Variants in NYNRIN observed in about 807,000 individuals in gnomAD.
The protein encoded by NYNRIN is protein NYNRIN.
A neutral mutation model predicts 146.6 loss-of-function variants in NYNRIN; 86 were observed. That is an observed-to-expected ratio of 0.59 (90% CI 0.49 to 0.70). NYNRIN has a LOEUF of 0.70. Among genes scored for constraint, NYNRIN ranks in the 30% least tolerant of loss-of-function variants. The pLI, the probability that NYNRIN is intolerant of heterozygous loss-of-function variation, is 0.00. For synonymous variants in NYNRIN, 1,027 were observed against 1,001.3 expected, an observed-to-expected ratio of 1.03 and a Z score of -0.48; for missense variants, 2,191 against 2,377.7, an observed-to-expected ratio of 0.92 and a Z score of 1.63.
chr14:24,410,367 G>A (rs553886705), intron 4 of NYNRIN, among the ~76,000 whole-genome samples, 159 bp downstream of exon 4: 4 of 152,336 alleles, frequency 2.6e-5, no homozygotes, highest in Non-Finnish European at 5.9e-5. Flanking sequence ...TGGCTCCTGC[G>A]TGCCAGGCAG....
chr14:24,415,856 A>G lies in NYNRIN; in HGVS notation c.4107A>G (p.Pro1369=). ...GCCTGGAGCGCTTTGGCCAGTCCCC[A>G]CTCCCAGTGGTTTTCCTCACTCACT... is the stretch of plus-strand genomic sequence containing the variant. ...ACGLERFGQS[P]LPVVFLTHCN... Residue 1369 remains proline (P), a synonymous_variant, in exon 9 of 9, where the codon CCA becomes CCG. Transcript: ENST00000382554. 3 of 1,612,852 alleles carry G rather than the reference A, an allele frequency of 1.9e-6. No homozygotes were observed. The highest frequency in any genetic ancestry group is 1.7e-6 in the Non-Finnish European group (2 of 1,179,632).
chr14:24,411,451 G>A lies in NYNRIN; in HGVS notation c.2642+1G>A. On this transcript the variant is annotated splice_donor_variant, in intron 6 of 8. Coordinates refer to ENST00000382554, the MANE Select transcript of NYNRIN (RefSeq NM_025081.3). LOFTEE classifies it high-confidence loss of function. This position sits in a 1 kb window ranked among gnomAD's most constrained non-coding sequence, Gnocchi z 4.3. ...AGAAGATCACCACCTACGATTATAG[G>A]TGTGCCGGTCCCCAGGCCTGCCCTC... is the stretch of plus-strand genomic sequence containing the variant. 6.2e-7 allele frequency: 1 copy of A among 1,613,458 alleles called. No individual in the cohort carries two copies. Among genetic ancestry groups the A allele is most frequent in the Non-Finnish European group, 8.5e-7 (1 of 1,179,408 alleles).
chr14:24,400,921 C>T (rs2042838472), intron 2 of NYNRIN, among the ~76,000 whole-genome samples: 1 of 151,948 alleles, frequency 6.6e-6, no homozygotes, highest in Admixed American at 6.6e-5. Context: ...TTCTGAGTAG[C>T]TGGGATTACA....
chr14:24,413,652 A>G (rs145587735), intron 8 of NYNRIN, among the ~76,000 whole-genome samples: 1 of 152,308 alleles, frequency 6.6e-6, no homozygotes, highest in East Asian at 1.9e-4. Context: ...CATCCTTCCA[A>G]ACTGGCATTT....
chr14:24,405,032 G>A (rs2042868608), intron 2 of NYNRIN, among the ~76,000 whole-genome samples: 3 of 107,536 alleles, frequency 2.8e-5, no homozygotes, highest in African/African-American at 1.1e-4. Flanking sequence ...GTGTGTGAGA[G>A]AATGTGTGTG....
intron 8 of NYNRIN, among the ~76,000 whole-genome samples, chr14:24,414,220 G>A (rs1322436851): frequency 6.6e-6 from 1 of 152,254 alleles, no homozygotes; most frequent in East Asian, 1.9e-4. Flanking sequence ...CAAGCTCCTT[G>A]TCAGGCTCTC....
At position 24,416,939 on chromosome 14, in the gene NYNRIN, C is replaced by T; in HGVS notation, c.5190C>T (p.Ile1730=). Residue 1730 remains isoleucine (I), a synonymous_variant, in exon 9 of 9, where the codon ATC becomes ATT. Transcript: ENST00000382554. ...TCAAGAGGGCCCTCAAGGAGTTCATCTTCCTGCATGGGAAGAAGTGGGCGG... is the reference window on the plus strand; with the variant it reads ...TCAAGAGGGCCCTCAAGGAGTTCATTTTCCTGCATGGGAAGAAGTGGGCGG... ...WEFKRALKEF[I]FLHGKKWAAS... is the part of the protein sequence containing the mutation. The T allele has an allele frequency of 6.3e-7, 1 of 1,590,506 alleles. No individual in the cohort carries two copies. The highest frequency in any genetic ancestry group is 1.1e-5 in the South Asian group (1 of 88,180).
chr14:24,413,924 C>T (rs2042928253), intron 8 of NYNRIN, among the ~76,000 whole-genome samples: 2 of 152,140 alleles, frequency 1.3e-5, no homozygotes, highest in South Asian at 2.1e-4. Flanking sequence ...TCGTCTCATT[C>T]GATCCTCACA....
At chr14:24,412,830 C>T (rs1390603807) in intron 6 of NYNRIN, 167 bp from the exon 7 acceptor site, 2 of 547,702 alleles carry the variant, frequency 3.7e-6, no homozygotes, top group Non-Finnish European at 6.6e-6. Flanking sequence ...TCTCACATGG[C>T]TGCATAGAGA....
chr14:24,411,077 C>T lies in NYNRIN; in HGVS notation c.2416C>T (p.His806Tyr). The change falls in exon 5 of 9, where the codon CAT (histidine) becomes TAT (tyrosine). Residue 806 changes from histidine (H) to tyrosine (Y), a missense_variant and splice_region_variant. His to Tyr is a moderately conservative substitution (Grantham distance 83). This residue lies in a region of NYNRIN where 1,291 missense variants were observed against 1,417.0 expected (regional missense o/e 0.91). Transcript: ENST00000382554. This position sits in a 1 kb window ranked among gnomAD's most constrained non-coding sequence, Gnocchi z 4.3. Reference sequence around the variant, plus strand: ...TTTCCTTGTCCCACGACCCCACAGGCATGGCCTGCAGCACTTCTTCTCCTG... The same window carrying T: ...TTTCCTTGTCCCACGACCCCACAGGTATGGCCTGCAGCACTTCTTCTCCTG... ...VIDGSSVAMV[H>Y]GLQHFFSCRG... The T allele has an allele frequency of 6.2e-7, 1 of 1,613,788 alleles. No individual in the cohort carries two copies. Among genetic ancestry groups the T allele is most frequent in the Non-Finnish European group, 8.5e-7 (1 of 1,179,866 alleles).
intron 8 of NYNRIN, 38 bp from the exon 9 acceptor site, chr14:24,414,558 T>G: frequency 6.4e-7 from 1 of 1,556,614 alleles, no homozygotes; most frequent in Non-Finnish European, 8.7e-7. Flanking sequence ...TTGCTCACGA[T>G]GGGGCTGCCC....
chr14:24,404,035 T>A (rs2042861684), intron 2 of NYNRIN, among the ~76,000 whole-genome samples: 1 of 152,238 alleles, frequency 6.6e-6, no homozygotes. Flanking sequence ...GAGGCCCCTT[T>A]GTGCGGTTCT....
chr14:24,418,085 G>A lies in NYNRIN; in HGVS notation c.*639G>A, dbSNP rs2042960815. Reference sequence around the variant, plus strand: ...GGCCTCAAGGGCAGTGTCTTGGAGTGGGAGGATGGCCAGCCACAAGCCACC... The same window carrying A: ...GGCCTCAAGGGCAGTGTCTTGGAGTAGGAGGATGGCCAGCCACAAGCCACC... On this transcript the variant is annotated 3_prime_UTR_variant, in exon 9 of 9. Coordinates refer to ENST00000382554, the MANE Select transcript of NYNRIN (RefSeq NM_025081.3). The A allele has an allele frequency of 2.8e-6, 1 of 362,490 alleles. No individual in the cohort carries two copies. The highest frequency in any genetic ancestry group is 3.5e-5 in the Admixed American group (1 of 28,480). The allele number at this position is 362,490 out of a possible 1,614,324, so 22.5% of individuals were successfully genotyped here. A position where few individuals can be genotyped will look rare whatever the true frequency, so the allele number is the denominator to read the frequency against.
chr14:24,417,569 G>C lies in NYNRIN; in HGVS notation c.*123G>C. ...CAGTTGTGCCTTTTGTAGAGAACTT[G>C]CTTCATAAAGCTTTGCTGAATTGCC... is the stretch of plus-strand genomic sequence containing the variant. On this transcript the variant is annotated 3_prime_UTR_variant, in exon 9 of 9. Transcript: ENST00000382554. 5.4e-6 allele frequency: 7 copies of C among 1,294,182 alleles called. No homozygotes were observed. Among genetic ancestry groups the C allele is most frequent in the Non-Finnish European group, 7.0e-6 (7 of 996,032 alleles). 80.2% of individuals were successfully genotyped at this position (1,294,182 alleles called of 1,614,324 possible).
rs147252196 is a variant in NYNRIN, at chr14:24,417,681, T to C, written c.*235T>C. The C allele has an allele frequency of 2.6e-4, 131 of 511,184 alleles. 1 individual carries two copies. Among genetic ancestry groups the C allele is most frequent in the Middle Eastern group, 5.2e-4 (1 of 1,906 alleles). 31.7% of individuals were successfully genotyped at this position (511,184 alleles called of 1,614,324 possible). On this transcript the variant is annotated 3_prime_UTR_variant, in exon 9 of 9. Coordinates refer to ENST00000382554, the MANE Select transcript of NYNRIN (RefSeq NM_025081.3). Reference sequence around the variant, plus strand: ...CCAAAGGCTGTCAGATATGGGTCCCTGGCAGTTTTACACTGGGAAATGGAG... The same window carrying C: ...CCAAAGGCTGTCAGATATGGGTCCCCGGCAGTTTTACACTGGGAAATGGAG...
Position 24,409,749 on chromosome 14 carries a change from C to T in NYNRIN, c.1955C>T (p.Thr652Ile). 2 of 1,607,432 alleles carry T rather than the reference C, an allele frequency of 1.2e-6. No individual in the cohort carries two copies. Among genetic ancestry groups the T allele is most frequent in the South Asian group, 1.1e-5 (1 of 90,318 alleles). ...AAAGCTCAAGCCGGGCCTGCAGCTACAGTTTCCAAAGCACCTGCAGCTTCC... is the reference window on the plus strand; with the variant it reads ...AAAGCTCAAGCCGGGCCTGCAGCTATAGTTTCCAAAGCACCTGCAGCTTCC... ...TPKAQAGPAA[T>I]VSKAPAASKA... Residue 652 changes from threonine to isoleucine, a missense_variant, in exon 4 of 9, where the codon ACA becomes ATA. By Grantham distance (89) the Thr-to-Ile change is moderately conservative. Coordinates refer to ENST00000382554, the MANE Select transcript of NYNRIN (RefSeq NM_025081.3).
At chr14:24,407,420 T>G (rs1235285036) in intron 2 of NYNRIN, among the ~76,000 whole-genome samples, 1 of 152,182 alleles carries the variant, frequency 6.6e-6, no homozygotes, top group Non-Finnish European at 1.5e-5. Context: ...AGTTCCTAGC[T>G]TATGGAGGGT....
In NYNRIN at chr14:24,413,333, T is replaced by G; in HGVS notation, c.2762T>G (p.Phe921Cys). ...MVKDRLLPFTFAGNLFMVPDD... is the reference protein window; with the variant it reads ...MVKDRLLPFTCAGNLFMVPDD... The stretch of plus-strand genomic sequence containing the variant: ...GGGCCCAGCTTGCTGCCTTTCACCT[T>G]TGCGGGGAATCTCTTCATGGTGCCT... The change falls in exon 8 of 9, where the codon TTT (phenylalanine) becomes TGT (cysteine). Residue 921 changes from phenylalanine (F) to cysteine (C), a missense_variant. Transcript: ENST00000382554. 2 of 1,613,130 alleles carry G rather than the reference T, an allele frequency of 1.2e-6. No homozygotes were observed. The highest frequency in any genetic ancestry group is 1.7e-6 in the Non-Finnish European group (2 of 1,179,538).
rs777003696 is a variant in NYNRIN at position 24,414,767 on chromosome 14, G to T, written c.3018G>T (p.Gln1006His). The change falls in exon 9 of 9, where the codon CAG becomes CAT. Residue 1006 changes from glutamine to histidine, a missense_variant. Around this residue, in one of 3 missense-constraint regions of NYNRIN, gnomAD observed 1,291 missense variants for 1,417.0 expected, o/e 0.91. Transcript: ENST00000382554. ...KEERQDEEQR[Q>H]GQGTQKAAEE... The stretch of plus-strand genomic sequence containing the variant: ...AGAGGCAGGATGAGGAGCAGAGACA[G>T]GGGCAGGGCACACAGAAGGCGGCTG... 48 of 1,613,704 alleles carry T rather than the reference G, an allele frequency of 3.0e-5. No individual in the cohort carries two copies. Among genetic ancestry groups the T allele is most frequent in the Non-Finnish European group, 3.6e-5 (42 of 1,179,812 alleles).
Sources: gnomAD v4.1 joint callset for allele counts (sites outside exome capture counted in the v4.1 genomes callset) on GRCh38, gnomAD v4.1.1 for gene constraint, gnomAD v4.1.1 regional missense constraint, Gnocchi (gnomAD v3.1) non-coding constraint, MANE v1.5 for transcripts, NCBI Gene and HGNC (gene_info 2026-07-23, HGNC 2026-07-21) for gene names.